PARD3: variants seen among roughly 807,000 people sequenced by gnomAD.
PARD3 encodes partitioning defective 3 homolog.
A neutral mutation model predicts 155.4 loss-of-function variants in PARD3; 75 were observed. That is an observed-to-expected ratio of 0.48 (90% CI 0.40 to 0.58). The LOEUF (loss-of-function observed/expected upper bound fraction) is 0.58, where lower values mean the gene tolerates loss of function less well. PARD3 is among the 20% of genes least tolerant of loss of function. The probability of loss-of-function intolerance (pLI) is 0.00; values close to 1 mark genes in which losing one functional copy is unlikely to be tolerated. For missense variants in PARD3, 1,642 were observed against 1,721.7 expected (o/e 0.95, Z 0.82); for synonymous variants, 576 against 610.5 (o/e 0.94, Z 0.83).
intron 19 of PARD3, among the ~76,000 whole-genome samples, chr10:34,325,877 C>T (rs1174108091): frequency 6.6e-6 from 1 of 152,124 alleles, no homozygotes; most frequent in Non-Finnish European, 1.5e-5. Context: ...AATCCCAGCA[C>T]TTTGGGAGGC....
intron 22 of PARD3, among the ~76,000 whole-genome samples, chr10:34,260,085 C>G (rs1401696275): frequency 6.6e-6 from 1 of 152,200 alleles, no homozygotes; most frequent in South Asian, 2.1e-4. Context: ...AGCAATCCTC[C>G]TATGTCAGCC....
At chr10:34,809,165 A>G (rs1843756936) in intron 1 of PARD3, among the ~76,000 whole-genome samples, 1 of 152,184 alleles carries the variant, frequency 6.6e-6, no homozygotes, top group Non-Finnish European at 1.5e-5. Flanking sequence ...CCAAACCTTA[A>G]AGTCCTTTAA....
At chr10:34,804,044 T>G (rs937262435) in intron 1 of PARD3, among the ~76,000 whole-genome samples, 6 of 151,350 alleles carry the variant, frequency 4.0e-5, no homozygotes, top group Admixed American at 3.9e-4. Flanking sequence ...TGTTTTTTTT[T>G]TTTTTTTGAG....
chr10:34,625,075 G>A (rs899938277), intron 2 of PARD3, among the ~76,000 whole-genome samples: 2 of 152,152 alleles, frequency 1.3e-5, no homozygotes, highest in African/African-American at 2.4e-5. Flanking sequence ...CCATATAACT[G>A]ATTTGGGGGC....
At chr10:34,165,783 CTT>C (rs932634937) in intron 22 of PARD3, among the ~76,000 whole-genome samples, 16 of 152,282 alleles carry the variant, frequency 1.1e-4, no homozygotes, top group African/African-American at 3.6e-4. Flanking sequence ...TTTTACATCT[CTT>C]TGTTTGTTCC....
intron 4 of PARD3, among the ~76,000 whole-genome samples, chr10:34,468,762 C>CT: frequency 6.6e-6 from 1 of 151,872 alleles, no homozygotes; most frequent in South Asian, 2.1e-4. Context: ...TTTCCATGTA[C>CT]TTTTTTTGTC....
At chr10:34,589,373 T>C (rs1449831941) in intron 2 of PARD3, among the ~76,000 whole-genome samples, 3 of 152,100 alleles carry the variant, frequency 2.0e-5, no homozygotes, top group African/African-American at 7.2e-5. Context: ...AAATAGTCTT[T>C]AGAAAAGAAA....
chr10:34,665,191 CA>C (rs2093421139), intron 2 of PARD3, among the ~76,000 whole-genome samples: 2 of 152,004 alleles, frequency 1.3e-5, no homozygotes, highest in South Asian at 4.2e-4. Flanking sequence ...AATAGTAATT[CA>C]AATAAGCTAG....
At chr10:34,535,197 T>C (rs1236289540) in intron 2 of PARD3, among the ~76,000 whole-genome samples, 7 of 152,150 alleles carry the variant, frequency 4.6e-5, no homozygotes, top group African/African-American at 1.2e-4. Flanking sequence ...AGGAAGTATA[T>C]TGGCATGGGT....
chr10:34,338,027 C>T (rs1229746354), intron 16 of PARD3, among the ~76,000 whole-genome samples: 1 of 152,322 alleles, frequency 6.6e-6, no homozygotes, highest in Non-Finnish European at 1.5e-5. Flanking sequence ...GTGCCAGGTA[C>T]GTAGATCCAA....
At chr10:34,408,216 C>CAAA (rs150007962) in intron 5 of PARD3, among the ~76,000 whole-genome samples, 2 of 137,842 alleles carry the variant, frequency 1.5e-5, no homozygotes, top group African/African-American at 2.6e-5. Context: ...TTAGAAAGCA[C>CAAA]AAAAAAAAAA....
At chr10:34,123,462 G>A (rs768954490) in intron 23 of PARD3, among the ~76,000 whole-genome samples, 7 of 152,072 alleles carry the variant, frequency 4.6e-5, no homozygotes, top group Middle Eastern at 6.8e-3. Context: ...TTATTTTAGA[G>A]TCAGAATCTT....
At chr10:34,712,450 A>G (rs1213076423) in intron 1 of PARD3, among the ~76,000 whole-genome samples, 1 of 152,222 alleles carries the variant, frequency 6.6e-6, no homozygotes, top group Non-Finnish European at 1.5e-5. Context: ...AGCACTTCTG[A>G]CATGACACCT....
chr10:34,728,003 A>G (rs1014182353), intron 1 of PARD3, among the ~76,000 whole-genome samples: 3 of 152,164 alleles, frequency 2.0e-5, no homozygotes, highest in Admixed American at 2.0e-4. Flanking sequence ...TCAACATGTC[A>G]ACCCGGAGAC....
chr10:34,120,033 T>A (rs1354298567), intron 23 of PARD3, among the ~76,000 whole-genome samples: 14 of 141,634 alleles, frequency 9.9e-5, no homozygotes, highest in Middle Eastern at 3.3e-3. Flanking sequence ...TTTTTTTTTT[T>A]AGAGATGGGA....
intron 23 of PARD3, among the ~76,000 whole-genome samples, chr10:34,121,351 A>T (rs1311501849): frequency 6.6e-6 from 1 of 152,236 alleles, no homozygotes. Context: ...TAGGCCCCTT[A>T]AGTGATCCTT....
At chr10:34,484,263 G>A (rs181687648) in intron 3 of PARD3, among the ~76,000 whole-genome samples, 23 of 152,176 alleles carry the variant, frequency 1.5e-4, no homozygotes, top group African/African-American at 2.9e-4. Flanking sequence ...AAGGTGCCCC[G>A]AGTATTAATT....
At chr10:34,525,920 A>G (rs1199106821) in intron 2 of PARD3, among the ~76,000 whole-genome samples, 1 of 151,690 alleles carries the variant, frequency 6.6e-6, no homozygotes, top group Non-Finnish European at 1.5e-5. Flanking sequence ...GTCTCTACTA[A>G]AAATACAAAA....
chr10:34,560,947 G>T (rs1188362484), intron 2 of PARD3, among the ~76,000 whole-genome samples: 1 of 152,104 alleles, frequency 6.6e-6, no homozygotes, highest in Non-Finnish European at 1.5e-5. Context: ...TTCCCTCTGG[G>T]CATGTGCGCA....
Sources: allele counts gnomAD v4.1 joint callset (sites outside exome capture counted in the v4.1 genomes callset), GRCh38; gene constraint gnomAD v4.1.1; transcripts MANE v1.5; gene names NCBI Gene and HGNC (gene_info 2026-07-23, HGNC 2026-07-21).